The following BCAS3 variants were observed in gnomAD, a reference collection of about 807,000 sequenced individuals.
BCAS3 encodes BCAS3 microtubule associated cell migration factor.
In BCAS3, 53 loss-of-function variants were observed where a neutral mutation model predicts 116.1. That is an observed-to-expected ratio of 0.46 (90% CI 0.37 to 0.57). BCAS3 has a LOEUF of 0.57. BCAS3 is among the 20% of genes least tolerant of loss of function. BCAS3 has a pLI of 0.00. For missense variants in BCAS3, 917 were observed against 1,165.4 expected (o/e 0.79, Z 3.10); for synonymous variants, 391 against 408.2 (o/e 0.96, Z 0.51).
At chr17:60,861,425 A>G (rs1293769409) in intron 7 of BCAS3, among the ~76,000 whole-genome samples, 1 of 152,208 alleles carries the variant, frequency 6.6e-6, no homozygotes, top group African/African-American at 2.4e-5. Flanking sequence ...ATTGAATCAT[A>G]TCATCTGGGA....
rs1158557109 is a variant in BCAS3, at chr17:61,265,417, AAAAG to A, written c.2426-102905_2426-102902del. Among the ~76,000 whole-genome samples the A allele has an allele frequency of 3.3e-5, 5 of 152,126 alleles. No homozygotes were observed. The highest frequency in any genetic ancestry group is 9.7e-5 in the African/African-American group (4 of 41,428). On this transcript the variant is annotated intron_variant, in intron 22 of 23. Transcript: ENST00000407086. This position sits in a 1 kb window ranked among gnomAD's most constrained non-coding sequence, Gnocchi z 4.3. ...GAAACTCTGTCTCAAGAAAAAAAAAAAAAGAAAGCACAGTACCTGATACATAACA... is the reference window on the plus strand; with the variant it reads ...GAAACTCTGTCTCAAGAAAAAAAAAAAAAGCACAGTACCTGATACATAACA...
At chr17:61,264,304 T>C (rs530655907) in intron 22 of BCAS3, among the ~76,000 whole-genome samples, 2 of 152,142 alleles carry the variant, frequency 1.3e-5, no homozygotes, top group Non-Finnish European at 2.9e-5. Context: ...TCAATAATGT[T>C]TATTTCAAAT....
intron 22 of BCAS3, among the ~76,000 whole-genome samples, chr17:61,283,606 A>G (rs2051437423): frequency 6.6e-6 from 1 of 150,554 alleles, no homozygotes; most frequent in Non-Finnish European, 1.5e-5. Context: ...GGCGACCGCC[A>G]CCATGCCTGG....
chr17:61,060,914 T>C (rs1311099069), intron 19 of BCAS3, among the ~76,000 whole-genome samples: 2 of 149,988 alleles, frequency 1.3e-5, no homozygotes, highest in African/African-American at 4.9e-5. Context: ...GATCTCTGTT[T>C]AGTAGTTTGA....
At position 60,962,087 on chromosome 17, in the gene BCAS3, G is replaced by A. The variant is rs1042102979; in HGVS notation, c.1221+14735G>A. On this transcript the variant is annotated intron_variant, in intron 14 of 23. Coordinates refer to ENST00000407086, the MANE Select transcript of BCAS3 (RefSeq NM_017679.5). The surrounding 1 kb of genome is among the most constrained non-coding windows in gnomAD (Gnocchi z 4.4). The stretch of plus-strand genomic sequence containing the variant: ...TATATGCTTTATTTATTCATCTGTT[G>A]ATGAACTCTTAGAGTGATTCCATAT... 3.3e-5 allele frequency among the ~76,000 whole-genome samples: 5 copies of A among 151,964 alleles called. No homozygotes were observed. Among genetic ancestry groups the A allele is most frequent in the Non-Finnish European group, 2.9e-5 (2 of 67,988 alleles).
intron 22 of BCAS3, among the ~76,000 whole-genome samples, chr17:61,318,289 A>G (rs1216276772): frequency 6.6e-6 from 1 of 152,256 alleles, no homozygotes; most frequent in Admixed American, 6.5e-5. Context: ...AGGCAGGAAT[A>G]GAAGTTCCAA....
chr17:61,349,337 C>T lies in BCAS3; in HGVS notation c.2426-18990C>T, dbSNP rs1016043954. On this transcript the variant is annotated intron_variant, in intron 22 of 23. Coordinates refer to ENST00000407086, the MANE Select transcript of BCAS3 (RefSeq NM_017679.5). This position sits in a 1 kb window ranked among gnomAD's most constrained non-coding sequence, Gnocchi z 4.7. Reference sequence around the variant, plus strand: ...CCAACCTAAAGTTCTTGAGAATCCCCATGATCATGAGCCACTGTTACTGAT... The same window carrying T: ...CCAACCTAAAGTTCTTGAGAATCCCTATGATCATGAGCCACTGTTACTGAT... Among the ~76,000 whole-genome samples the T allele has an allele frequency of 6.6e-5, 10 of 152,194 alleles. No homozygotes were observed. The highest frequency in any genetic ancestry group is 2.4e-4 in the African/African-American group (10 of 41,456).
chr17:60,990,380 T>C lies in BCAS3; in HGVS notation c.1486+145T>C. On this transcript the variant is annotated intron_variant, in intron 15 of 23. Coordinates refer to ENST00000407086, the MANE Select transcript of BCAS3 (RefSeq NM_017679.5). The surrounding 1 kb of genome is among the most constrained non-coding windows in gnomAD (Gnocchi z 5.1). The stretch of plus-strand genomic sequence containing the variant: ...TTATATGAAATTCTTAATTATTAAA[T>C]AATTTAATAAATTGGAGCCAGTATA... 1 of 879,852 alleles carries C rather than the reference T, an allele frequency of 1.1e-6. No homozygotes were observed. The highest frequency in any genetic ancestry group is 2.7e-5 in the East Asian group (1 of 36,886). The allele number at this position is 879,852 out of a possible 1,614,324, so 54.5% of individuals were successfully genotyped here.
chr17:60,850,340 C>A (rs889988123), intron 7 of BCAS3, among the ~76,000 whole-genome samples: 3 of 143,642 alleles, frequency 2.1e-5, no homozygotes, highest in African/African-American at 5.4e-5. Context: ...ACTCCTGGCA[C>A]CACTGTTTTT....
rs934321620 is a variant in BCAS3 at position 61,364,614 on chromosome 17, G to A, written c.2426-3713G>A. ...TCCCAGCTACTCAGGAGGCTGAGGT[G>A]GAAGGATCTCTTCAGCCCAGGAGGC... On this transcript the variant is annotated intron_variant, in intron 22 of 23. Transcript: ENST00000407086. This position sits in a 1 kb window ranked among gnomAD's most constrained non-coding sequence, Gnocchi z 5.4. Among the ~76,000 whole-genome samples, 1 of 152,144 alleles carries A rather than the reference G, an allele frequency of 6.6e-6. No homozygotes were observed. The highest frequency in any genetic ancestry group is 1.5e-5 in the Non-Finnish European group (1 of 68,024).
Position 61,128,769 on chromosome 17 carries a change from A to G in BCAS3, c.2425+44205A>G, listed in dbSNP as rs2076175516. 6.6e-6 allele frequency among the ~76,000 whole-genome samples: 1 copy of G among 152,030 alleles called. No homozygotes were observed. Among genetic ancestry groups the G allele is most frequent in the Non-Finnish European group, 1.5e-5 (1 of 68,018 alleles). ...GCTAGCTGGTAGAATTTTTTCCCCCAGGAAAAAAAAATCGGCAACTTTTGG... is the reference window on the plus strand; with the variant it reads ...GCTAGCTGGTAGAATTTTTTCCCCCGGGAAAAAAAAATCGGCAACTTTTGG... On this transcript the variant is annotated intron_variant, in intron 22 of 23. Coordinates refer to ENST00000407086, the MANE Select transcript of BCAS3 (RefSeq NM_017679.5). This position sits in a 1 kb window ranked among gnomAD's most constrained non-coding sequence, Gnocchi z 4.1.
chr17:61,297,253 A>G (rs113242387), intron 22 of BCAS3, among the ~76,000 whole-genome samples: 3 of 152,286 alleles, frequency 2.0e-5, no homozygotes, highest in African/African-American at 7.2e-5. Context: ...TTGATAACTG[A>G]GTAGAAAGCA....
intron 22 of BCAS3, among the ~76,000 whole-genome samples, chr17:61,193,313 A>G (rs1329865152): frequency 6.6e-6 from 1 of 152,194 alleles, no homozygotes; most frequent in Non-Finnish European, 1.5e-5. Context: ...TAATAGAAAT[A>G]TAATCTATAG....
rs865824460 is a variant in BCAS3 at position 61,041,153 on chromosome 17, A to G, written c.2029+261A>G. Among the ~76,000 whole-genome samples the G allele has an allele frequency of 2.6e-5, 4 of 152,196 alleles. No homozygotes were observed. Among genetic ancestry groups the G allele is most frequent in the Admixed American group, 2.0e-4 (3 of 15,278 alleles). On this transcript the variant is annotated intron_variant, in intron 19 of 23. Transcript: ENST00000407086. This position sits in a 1 kb window ranked among gnomAD's most constrained non-coding sequence, Gnocchi z 4.7. ...TGATAGGGAATATCTGGAGGGCTCA[A>G]AAATTCAAACAAACATAAAAACCAC...
rs146138199 is a variant in BCAS3, at chr17:60,842,290, A to G, written c.477-26286A>G. On this transcript the variant is annotated intron_variant, in intron 7 of 23. Transcript: ENST00000407086. ...TTTAAAATAGGAGATCTTTGATTGC[A>G]ATGGAATTTCAGCTTTATGTTTTTT... Among the ~76,000 whole-genome samples, 571 of 152,290 alleles carry G rather than the reference A, an allele frequency of 3.7e-3. 3 individuals carry two copies. The highest frequency in any genetic ancestry group is 0.013 in the African/African-American group (543 of 41,560).
intron 5 of BCAS3, among the ~76,000 whole-genome samples, chr17:60,721,512 G>A (rs141352508): frequency 6.6e-4 from 100 of 152,208 alleles, no homozygotes; most frequent in African/African-American, 2.2e-3. Flanking sequence ...TTCCCTGTGT[G>A]CGAATAGTGG....
At chr17:60,686,949 G>A (rs1220241118) in intron 3 of BCAS3, among the ~76,000 whole-genome samples, 1 of 152,090 alleles carries the variant, frequency 6.6e-6, no homozygotes, top group Non-Finnish European at 1.5e-5. Context: ...CAATTAATAA[G>A]CAAATGATGA....
intron 5 of BCAS3, among the ~76,000 whole-genome samples, chr17:60,736,932 CCCTT>C (rs373354139): frequency 2.3e-5 from 3 of 133,272 alleles, no homozygotes; most frequent in African/African-American, 3.3e-5. Flanking sequence ...CTTCCTCCCT[CCCTT>C]CCTTCCTTCC....
chr17:60,812,379 A>ATGGAGAGGGACACAATT (rs1468618345), intron 7 of BCAS3, among the ~76,000 whole-genome samples: 1 of 152,162 alleles, frequency 6.6e-6, no homozygotes, highest in Non-Finnish European at 1.5e-5. Flanking sequence ...GGAGATGGGG[A>ATGGAGAGGGACACAATT]TGGAGAGGGA....
Sources: allele counts gnomAD v4.1 joint callset (sites outside exome capture counted in the v4.1 genomes callset), GRCh38; gene constraint gnomAD v4.1.1; non-coding constraint Gnocchi (gnomAD v3.1); transcripts MANE v1.5; gene names NCBI Gene and HGNC (gene_info 2026-07-23, HGNC 2026-07-21).